The following RNLS variants were observed in gnomAD, a reference collection of about 807,000 sequenced individuals.
RNLS encodes the protein renalase, FAD dependent amine oxidase.
In RNLS, 39 loss-of-function variants were observed where a neutral mutation model predicts 39.8. The ratio of observed to expected loss-of-function variants is 0.98; its 90% CI spans 0.76 to 1.28. The LOEUF is 1.28. RNLS is among the 50% of genes most tolerant of loss of function. The probability of loss-of-function intolerance (pLI) is 0.00; values close to 1 mark genes in which losing one functional copy is unlikely to be tolerated. For missense variants in RNLS, 410 were observed against 413.3 expected (o/e 0.99, Z 0.07); for synonymous variants, 147 against 150.7 (o/e 0.98, Z 0.18).
At chr10:88,442,476 C>T (rs1015601037) in intron 4 of RNLS, among the ~76,000 whole-genome samples, 14 of 152,220 alleles carry the variant, frequency 9.2e-5, no homozygotes, top group East Asian at 5.8e-4. Context: ...TCTTGTTAAT[C>T]GAGAAAAAGC....
chr10:88,385,070 C>T (rs1052308643), intron 4 of RNLS, among the ~76,000 whole-genome samples: 2 of 152,180 alleles, frequency 1.3e-5, no homozygotes, highest in African/African-American at 4.8e-5. Flanking sequence ...AAAGACCATG[C>T]ATCAAAAGTA....
chr10:88,346,192 T>C (rs1848289123), intron 5 of RNLS, among the ~76,000 whole-genome samples: 1 of 152,140 alleles, frequency 6.6e-6, no homozygotes, highest in Admixed American at 6.5e-5. Flanking sequence ...GGAGCACAGT[T>C]GTTCTTTAAC....
At chr10:88,398,496 A>G (rs1009769028) in intron 4 of RNLS, among the ~76,000 whole-genome samples, 1 of 151,984 alleles carries the variant, frequency 6.6e-6, no homozygotes, top group Non-Finnish European at 1.5e-5. Flanking sequence ...GTGGTTTACT[A>G]TATCTAAGAA....
intron 4 of RNLS, among the ~76,000 whole-genome samples, chr10:88,457,206 C>T (rs752386648): frequency 1.6e-4 from 25 of 152,280 alleles, no homozygotes; most frequent in Non-Finnish European, 1.5e-5. Flanking sequence ...ACCCCATTTA[C>T]TCTGTTGTTT....
chr10:88,278,170 T>C (rs1432998315), intron 6 of RNLS, among the ~76,000 whole-genome samples: 1 of 152,170 alleles, frequency 6.6e-6, no homozygotes, highest in Non-Finnish European at 1.5e-5. Context: ...TAGAGTGCTG[T>C]TCAGCCATAA....
At chr10:88,254,943 CTCATT>C in the RNLS span, among the ~76,000 whole-genome samples, 2 of 152,244 alleles carry the variant, frequency 1.3e-5, no homozygotes, top group South Asian at 4.1e-4. Context: ...ATAAAACACT[CTCATT>C]TCAGATGCCA....
intron 4 of RNLS, among the ~76,000 whole-genome samples, chr10:88,495,620 T>C (rs1181200902): frequency 6.6e-6 from 1 of 152,074 alleles, no homozygotes; most frequent in Non-Finnish European, 1.5e-5. Flanking sequence ...GAGGAAAATT[T>C]GCAGAGAAGG....
At chr10:88,362,430 C>T in intron 5 of RNLS, 122 bp downstream of exon 5, 3 of 816,460 alleles carry the variant, frequency 3.7e-6, no homozygotes, top group Non-Finnish European at 5.4e-6. Context: ...AAATTTTATC[C>T]CCTGTGGCTT....
At chr10:88,465,662 T>C (rs956392458) in intron 4 of RNLS, among the ~76,000 whole-genome samples, 6 of 152,092 alleles carry the variant, frequency 3.9e-5, no homozygotes, top group Non-Finnish European at 8.8e-5. Flanking sequence ...TTGAGGGTAA[T>C]AGCCAGAATA....
In RNLS at chr10:88,457,976, G is replaced by C. The variant is rs146502562; in HGVS notation, c.527-95251C>G. ...TGACCTTTCTTCCTGGAGAGTTTGA[G>C]GTCAGGCAGACTCCTTGAAAACAAT... On this transcript the variant is annotated intron_variant, in intron 4 of 6. Coordinates refer to ENST00000331772, the MANE Select transcript of RNLS (RefSeq NM_001031709.3). 5.4e-3 allele frequency among the ~76,000 whole-genome samples: 829 copies of C among 152,286 alleles called. 6 individuals are homozygous for C. Among genetic ancestry groups the C allele is most frequent in the African/African-American group, 0.019 (790 of 41,556 alleles).
chr10:88,382,980 C>A (rs770510018), intron 4 of RNLS, among the ~76,000 whole-genome samples: 19 of 152,056 alleles, frequency 1.2e-4, no homozygotes, highest in Non-Finnish European at 2.2e-4. Context: ...TGTACAAATT[C>A]ATATAGCTTT....
At chr10:88,535,381 C>G (rs10736358) in intron 4 of RNLS, among the ~76,000 whole-genome samples, 1 of 150,058 alleles carries the variant, frequency 6.7e-6, no homozygotes, top group Admixed American at 6.7e-5. Context: ...AGGTTGGAAA[C>G]GGGAGAGGGA....
intron 4 of RNLS, among the ~76,000 whole-genome samples, chr10:88,476,772 T>TA (rs1267861312): frequency 6.6e-6 from 1 of 152,158 alleles, no homozygotes; most frequent in Non-Finnish European, 1.5e-5. Context: ...TATCTCTTTT[T>TA]AAAAAACCTT....
At chr10:88,349,038 C>A (rs1473866896) in intron 5 of RNLS, among the ~76,000 whole-genome samples, 1 of 152,074 alleles carries the variant, frequency 6.6e-6, no homozygotes, top group Admixed American at 6.6e-5. Context: ...TGTTTCATGA[C>A]GGTAGGGACT....
chr10:88,283,364 T>C (rs1207313836), downstream of RNLS, among the ~76,000 whole-genome samples: 1 of 152,132 alleles, frequency 6.6e-6, no homozygotes, highest in East Asian at 1.9e-4. Flanking sequence ...TCATTAGTAA[T>C]GGCTTAGAGG....
At chr10:88,304,836 CA>C (rs1228782545) in intron 6 of RNLS, among the ~76,000 whole-genome samples, 4 of 152,108 alleles carry the variant, frequency 2.6e-5, no homozygotes, top group African/African-American at 9.7e-5. Context: ...TCAGGAAATA[CA>C]GAGAACCCTA....
chr10:88,531,811 T>C (rs572636737), intron 4 of RNLS, among the ~76,000 whole-genome samples: 1 of 152,090 alleles, frequency 6.6e-6, no homozygotes, highest in Non-Finnish European at 1.5e-5. Flanking sequence ...TTTGCTCTGG[T>C]GTAGAATTTC....
At chr10:88,267,488 A>G in the RNLS span, among the ~76,000 whole-genome samples, 8 of 152,140 alleles carry the variant, frequency 5.3e-5, no homozygotes. Flanking sequence ...AGGCAAGAGG[A>G]TTGCTTGAGT....
intron 6 of RNLS, among the ~76,000 whole-genome samples, chr10:88,290,477 A>G (rs1277361424): frequency 6.6e-6 from 1 of 152,206 alleles, no homozygotes. Flanking sequence ...TTACACCATG[A>G]ATGCAAATTA....
Sources: gnomAD v4.1 joint callset for allele counts (sites outside exome capture counted in the v4.1 genomes callset) on GRCh38, gnomAD v4.1.1 for gene constraint, MANE v1.5 for transcripts, NCBI Gene and HGNC (gene_info 2026-07-23, HGNC 2026-07-21) for gene names.